Variants in STAB2 observed in about 807,000 individuals in gnomAD.
STAB2 encodes stabilin-2.
A neutral mutation model predicts 338.1 loss-of-function variants in STAB2; 288 were observed. The ratio of observed to expected loss-of-function variants is 0.85; its 90% CI spans 0.77 to 0.94. The LOEUF (loss-of-function observed/expected upper bound fraction) is 0.94, where lower values mean the gene tolerates loss of function less well. Ranked by LOEUF, STAB2 falls within the 40% of genes least tolerant of loss-of-function variation. The probability of loss-of-function intolerance (pLI) is 0.00; values close to 1 mark genes in which losing one functional copy is unlikely to be tolerated. For synonymous variants in STAB2, 1,202 were observed against 1,193.3 expected (o/e 1.01, Z -0.15); for missense variants, 3,141 against 3,210.1 (o/e 0.98, Z 0.52).
chr12:103,638,248 AG>A (rs762081154), intron 8 of STAB2, 36 bp downstream of exon 8: 1 of 1,552,948 alleles, frequency 6.4e-7, no homozygotes. Flanking sequence ...TGTATCTAGA[AG>A]TTTGACAAGC....
chr12:103,672,729 A>G (rs1875934844), intron 22 of STAB2, among the ~76,000 whole-genome samples: 2 of 152,154 alleles, frequency 1.3e-5, no homozygotes, highest in Admixed American at 6.5e-5. Context: ...TTTCACATGC[A>G]TAGGAACCTG....
chr12:103,663,578 A>G (rs1191764589), intron 18 of STAB2, among the ~76,000 whole-genome samples: 2 of 151,964 alleles, frequency 1.3e-5, no homozygotes, highest in Non-Finnish European at 2.9e-5. Context: ...AAACTCCTGG[A>G]CTTAAGCGAT....
At chr12:103,588,613 T>C (rs1185050148) in intron 1 of STAB2, among the ~76,000 whole-genome samples, 1 of 152,168 alleles carries the variant, frequency 6.6e-6, no homozygotes, top group Non-Finnish European at 1.5e-5. Flanking sequence ...GACAACTTTG[T>C]CAATACTGTA....
At chr12:103,642,774 G>A (rs1316234858) in intron 9 of STAB2, among the ~76,000 whole-genome samples, 2 of 152,180 alleles carry the variant, frequency 1.3e-5, no homozygotes, top group Admixed American at 6.5e-5. Context: ...GACCACACTC[G>A]GGGTACTCAG....
At chr12:103,749,567 C>G (rs1189359456) in intron 59 of STAB2, among the ~76,000 whole-genome samples, 1 of 151,696 alleles carries the variant, frequency 6.6e-6, no homozygotes, top group Non-Finnish European at 1.5e-5. Context: ...CGGTGGCTCA[C>G]GCCTGTAATC....
intron 39 of STAB2, among the ~76,000 whole-genome samples, chr12:103,709,339 G>C (rs1172015232): frequency 6.6e-6 from 1 of 152,202 alleles, no homozygotes; most frequent in Non-Finnish European, 1.5e-5. Flanking sequence ...CAGGAGCAGT[G>C]GGCAGGCGCC....
intron 44 of STAB2, among the ~76,000 whole-genome samples, chr12:103,721,294 T>A (rs185059476): frequency 6.6e-5 from 10 of 152,168 alleles, no homozygotes; most frequent in African/African-American, 2.4e-4. Flanking sequence ...GGCAGCCACA[T>A]GAAAATCTTG....
At chr12:103,629,050 G>A (rs540353632) in intron 5 of STAB2, among the ~76,000 whole-genome samples, 1 of 152,238 alleles carries the variant, frequency 6.6e-6, no homozygotes, top group East Asian at 1.9e-4. Flanking sequence ...AAAAGATGTG[G>A]GGAAATACAG....
At chr12:103,739,996 G>C (rs1882457654) in intron 54 of STAB2, among the ~76,000 whole-genome samples, 1 of 152,152 alleles carries the variant, frequency 6.6e-6, no homozygotes, top group South Asian at 2.1e-4. Flanking sequence ...GAAATTTGGA[G>C]TCCACAGGTA....
At chr12:103,624,070 C>A (rs1045295573) in intron 5 of STAB2, among the ~76,000 whole-genome samples, 2 of 152,222 alleles carry the variant, frequency 1.3e-5, no homozygotes, top group Non-Finnish European at 2.9e-5. Context: ...TGGAAAACTG[C>A]TTCGATTCAA....
intron 58 of STAB2, among the ~76,000 whole-genome samples, chr12:103,748,006 A>G (rs1005155892): frequency 1.3e-5 from 2 of 151,838 alleles, no homozygotes; most frequent in Non-Finnish European, 2.9e-5. Context: ...AAAAAAAAAA[A>G]AAAAAAAAGG....
chr12:103,690,574 AT>A, intron 30 of STAB2, 36 bp downstream of exon 30: 1 of 1,563,300 alleles, frequency 6.4e-7, no homozygotes, highest in Non-Finnish European at 8.8e-7. Flanking sequence ...TACTTGAAAC[AT>A]AACAGCTTTG....
At chr12:103,672,644 T>C (rs1875925519) in intron 22 of STAB2, among the ~76,000 whole-genome samples, 1 of 152,132 alleles carries the variant, frequency 6.6e-6, no homozygotes, top group East Asian at 1.9e-4. Flanking sequence ...CCAGATTCCT[T>C]TATTTCTGAT....
chr12:103,716,477 A>G (rs1880322746), intron 43 of STAB2, among the ~76,000 whole-genome samples: 1 of 152,178 alleles, frequency 6.6e-6, no homozygotes, highest in Non-Finnish European at 1.5e-5. Context: ...AACAAGCAAA[A>G]TGGCCAGACA....
At chr12:103,707,378 T>C (rs1879459406) in intron 38 of STAB2, among the ~76,000 whole-genome samples, 1 of 152,192 alleles carries the variant, frequency 6.6e-6, no homozygotes, top group Non-Finnish European at 1.5e-5. Flanking sequence ...GGTACATGAG[T>C]ATTGCTATGC....
intron 27 of STAB2, among the ~76,000 whole-genome samples, chr12:103,685,744 G>A (rs569544047): frequency 2.2e-4 from 34 of 152,200 alleles, no homozygotes; most frequent in African/African-American, 8.2e-4. Flanking sequence ...TACAGCATGG[G>A]CCACACTAAA....
In STAB2 at chr12:103,704,575, C is replaced by A. The variant is rs1452135876; in HGVS notation, c.3861C>A (p.Cys1287Ter). The part of the protein sequence containing the change: ...TTIIRGRCRT[C>*]SSELTCPFGT... Reference sequence around the variant, plus strand: ...TTACCAAGGGAAGATGTAGGACATGCTCCTCAGAGCTGACCTGCCCATTCG... The same window carrying A: ...TTACCAAGGGAAGATGTAGGACATGATCCTCAGAGCTGACCTGCCCATTCG... The change falls in exon 36 of 69, where the codon TGC (cysteine) becomes TGA (stop). Residue 1287 changes from cysteine (C) to a stop codon, truncating the protein, a stop_gained. Coordinates refer to ENST00000388887, the MANE Select transcript of STAB2 (RefSeq NM_017564.10). LOFTEE classifies it high-confidence loss of function. The A allele has an allele frequency of 6.2e-7, 1 of 1,613,394 alleles. No individual in the cohort carries two copies. The highest frequency in any genetic ancestry group is 8.5e-7 in the Non-Finnish European group (1 of 1,179,788).
intron 55 of STAB2, 122 bp from the exon 56 acceptor site, chr12:103,742,283 G>A: frequency 7.6e-7 from 1 of 1,316,446 alleles, no homozygotes; most frequent in Non-Finnish European, 1.0e-6. Context: ...AATATCCACT[G>A]ACACTGAAGG....
chr12:103,649,348 C>T (rs568986707), intron 10 of STAB2, among the ~76,000 whole-genome samples: 1 of 152,208 alleles, frequency 6.6e-6, no homozygotes, highest in African/African-American at 2.4e-5. Context: ...GACACATTCA[C>T]CTCCAGCCCC....
Sources: allele counts gnomAD v4.1 joint callset (sites outside exome capture counted in the v4.1 genomes callset), GRCh38; gene constraint gnomAD v4.1.1; transcripts MANE v1.5; gene names NCBI Gene and HGNC (gene_info 2026-07-23, HGNC 2026-07-21).